The following RHOA variants were observed in gnomAD, a reference collection of about 807,000 sequenced individuals.
The protein encoded by RHOA is transforming protein RhoA.
A neutral mutation model predicts 17.5 loss-of-function variants in RHOA; 3 were observed. The observed-to-expected ratio is 0.17, with a 90% CI of 0.08 to 0.44. The LOEUF (loss-of-function observed/expected upper bound fraction) is 0.44, where lower values mean the gene tolerates loss of function less well. Among genes scored for constraint, RHOA ranks in the 20% least tolerant of loss-of-function variants. The probability of loss-of-function intolerance (pLI) is 0.99; values close to 1 mark genes in which losing one functional copy is unlikely to be tolerated. For synonymous variants in RHOA, 98 were observed against 88.4 expected, an observed-to-expected ratio of 1.11 and a Z score of -0.61; for missense variants, 56 against 242.3, an observed-to-expected ratio of 0.23 and a Z score of 5.10.
intron 1 of RHOA, among the ~76,000 whole-genome samples, chr3:49,404,973 C>T (rs1380758743): frequency 1.3e-5 from 2 of 148,522 alleles, no homozygotes; most frequent in African/African-American, 2.5e-5. Flanking sequence ...GTAGGCCAGG[C>T]GCGGTGGCTC....
At chr3:49,403,485 CGA>C (rs1378277392) in intron 1 of RHOA, among the ~76,000 whole-genome samples, 1 of 151,660 alleles carries the variant, frequency 6.6e-6, no homozygotes, top group Non-Finnish European at 1.5e-5. Flanking sequence ...GAGGTTGAGA[CGA>C]GAGAATCACT....
intron 1 of RHOA, among the ~76,000 whole-genome samples, chr3:49,381,663 G>A (rs886560755): frequency 8.4e-4 from 127 of 151,388 alleles, no homozygotes; most frequent in Non-Finnish European, 2.2e-4. Context: ...TCAGGAGTTC[G>A]AGACCAGCCT....
rs147082852 is a variant in RHOA at position 49,383,702 on chromosome 3, C to T, written c.-2-8111G>A. Among the ~76,000 whole-genome samples the T allele has an allele frequency of 3.9e-3, 597 of 152,174 alleles. 2 individuals are homozygous for T. The highest frequency in any genetic ancestry group is 0.014 in the African/African-American group (563 of 41,516). ...TCCTAGAATGTCCAGACTCTGTCTC[C>T]ACCTTTGCTTATAGGGAGGGAATTC... On this transcript the variant is annotated intron_variant, in intron 1 of 4. Transcript: ENST00000418115.
intron 1 of RHOA, among the ~76,000 whole-genome samples, chr3:49,396,599 C>G (rs1038518122): frequency 6.6e-6 from 1 of 151,850 alleles, no homozygotes; most frequent in Non-Finnish European, 1.5e-5. Context: ...CCCAGCTACT[C>G]GGGAGGCTGA....
At chr3:49,365,653 C>G (rs891190724) in intron 3 of RHOA, among the ~76,000 whole-genome samples, 4 of 145,978 alleles carry the variant, frequency 2.7e-5, no homozygotes, top group Non-Finnish European at 6.0e-5. Flanking sequence ...TGCAGTGATG[C>G]GATCTCGGCT....
At chr3:49,394,568 C>T (rs891695092) in intron 1 of RHOA, among the ~76,000 whole-genome samples, 36 of 151,800 alleles carry the variant, frequency 2.4e-4, no homozygotes, top group African/African-American at 8.7e-4. Context: ...CCAAACTGGT[C>T]TCAAACTCTT....
intron 1 of RHOA, among the ~76,000 whole-genome samples, chr3:49,407,232 GTTTTTT>G (rs61556875): frequency 2.8e-3 from 193 of 70,070 alleles, no homozygotes; most frequent in Non-Finnish European, 4.1e-3. Context: ...AATCCTTTCC[GTTTTTT>G]TTTTTTTTTT....
chr3:49,367,342 C>CAAAAAAAAAAAAAAAAAAAAAAAAAA (rs62926260), intron 3 of RHOA, among the ~76,000 whole-genome samples: 3 of 80,500 alleles, frequency 3.7e-5, no homozygotes, highest in Admixed American at 1.9e-4. Context: ...GACTCCCTCT[C>CAAAAAAAAAAAAAAAAAAAAAAAAAA]AAAAAAAAAA....
chr3:49,367,638 C>T lies in RHOA; in HGVS notation c.277+790G>A, dbSNP rs1321801598. On this transcript the variant is annotated intron_variant, in intron 3 of 4. Coordinates refer to ENST00000418115, the MANE Select transcript of RHOA (RefSeq NM_001664.4). ...CCAGGCTCAAGTGATTCTCCTGCCT[C>T]AGCCCCTGGAATAGCTGGGATTACA... 2.0e-5 allele frequency among the ~76,000 whole-genome samples: 3 copies of T among 151,880 alleles called. No homozygotes were observed. The Admixed American group carries it at 2.0e-4, about 10-fold the overall frequency.
At chr3:49,360,530 T>C in intron 4 of RHOA, 148 bp from the exon 5 acceptor site, 1 of 747,400 alleles carries the variant, frequency 1.3e-6, no homozygotes, top group South Asian at 2.1e-5. Context: ...GGCAATGGCA[T>C]GATCTCAGCT....
At position 49,383,016 on chromosome 3, in the gene RHOA, T is replaced by C. The variant is rs1168158928; in HGVS notation, c.-2-7425A>G. Among the ~76,000 whole-genome samples, 8 of 150,916 alleles carry C rather than the reference T, an allele frequency of 5.3e-5. No individual in the cohort carries two copies. In the East Asian group the frequency reaches 1.6e-3, roughly 29 times the overall value. ...TTGCAGTGAGCCGAGTTAGCGCCATTGCACTCCAGCCTGGGCGACAAGAGC... is the reference window on the plus strand; with the variant it reads ...TTGCAGTGAGCCGAGTTAGCGCCATCGCACTCCAGCCTGGGCGACAAGAGC... On this transcript the variant is annotated intron_variant, in intron 1 of 4. Coordinates refer to ENST00000418115, the MANE Select transcript of RHOA (RefSeq NM_001664.4).
At chr3:49,362,432 CA>C in intron 4 of RHOA, 63 bp downstream of exon 4, 1 of 1,497,554 alleles carries the variant, frequency 6.7e-7, no homozygotes. Context: ...CTGGGCTCCC[CA>C]AACCTCCAAA....
At chr3:49,405,257 C>CA (rs56912055) in intron 1 of RHOA, among the ~76,000 whole-genome samples, 16,623 of 107,794 alleles carry the variant, frequency 0.15, 1,611 homozygotes, top group East Asian at 0.5. Flanking sequence ...GACTGTGTCT[C>CA]AAAAAAAAAA....
chr3:49,405,874 G>A lies in RHOA; in HGVS notation c.-3+5946C>T, dbSNP rs535368360. 3.1e-3 allele frequency among the ~76,000 whole-genome samples: 464 copies of A among 152,118 alleles called. 2 individuals are homozygous for A. Among genetic ancestry groups the A allele is most frequent in the African/African-American group, 0.011 (452 of 41,512 alleles). On this transcript the variant is annotated intron_variant, in intron 1 of 4. Coordinates refer to ENST00000418115, the MANE Select transcript of RHOA (RefSeq NM_001664.4). Reference sequence around the variant, plus strand: ...TGATTTTTGTATTTTTAGTAGAGATGGGGTTTCACCATGTTGGTCAGACTG... The same window carrying A: ...TGATTTTTGTATTTTTAGTAGAGATAGGGTTTCACCATGTTGGTCAGACTG...
At chr3:49,404,580 C>G (rs2048786340) in intron 1 of RHOA, among the ~76,000 whole-genome samples, 1 of 134,468 alleles carries the variant, frequency 7.4e-6, no homozygotes, top group Admixed American at 8.5e-5. Flanking sequence ...CCACTACACT[C>G]CAGCTTAGAC....
At chr3:49,393,672 CTCTCTGTGTGTG>C (rs762798835) in intron 1 of RHOA, among the ~76,000 whole-genome samples, 2,752 of 54,212 alleles carry the variant, frequency 0.051, 119 homozygotes, top group Middle Eastern at 0.11. Context: ...CTCAAATTCT[CTCTCTGTGTGTG>C]TGTGTGTGTG....
intron 1 of RHOA, among the ~76,000 whole-genome samples, chr3:49,385,951 T>C (rs747944916): frequency 2.6e-5 from 4 of 152,224 alleles, no homozygotes; most frequent in Non-Finnish European, 5.9e-5. Flanking sequence ...TCCACCTTTA[T>C]ACTAGTACCA....
At position 49,398,819 on chromosome 3, in the gene RHOA, G is replaced by A. The variant is rs186768329; in HGVS notation, c.-3+13001C>T. ...TATGCCACTGCACTCCAGCCTGAGC[G>A]ACACAGCGAGACTCCGTCTCAAAAA... On this transcript the variant is annotated intron_variant, in intron 1 of 4. Coordinates refer to ENST00000418115, the MANE Select transcript of RHOA (RefSeq NM_001664.4). Among the ~76,000 whole-genome samples the A allele has an allele frequency of 5.3e-3, 570 of 108,486 alleles. 5 individuals carry two copies. Among genetic ancestry groups the A allele is most frequent in the African/African-American group, 0.019 (514 of 27,458 alleles). 71.2% of individuals were successfully genotyped at this position (108,486 alleles called of 152,430 possible).
At chr3:49,382,444 A>G (rs925287070) in intron 1 of RHOA, among the ~76,000 whole-genome samples, 4 of 152,068 alleles carry the variant, frequency 2.6e-5, no homozygotes, top group East Asian at 1.9e-4. Flanking sequence ...AGACCATCCT[A>G]AACAACACAG....
Sources: gnomAD v4.1 joint callset for allele counts (sites outside exome capture counted in the v4.1 genomes callset) on GRCh38, gnomAD v4.1.1 for gene constraint, MANE v1.5 for transcripts, NCBI Gene and HGNC (gene_info 2026-07-23, HGNC 2026-07-21) for gene names.